KIF13B: variants seen among roughly 807,000 people sequenced by gnomAD.
KIF13B encodes kinesin-like protein KIF13B.
Under a neutral mutation model 222.0 loss-of-function variants are expected in KIF13B, and 127 were observed. That is an observed-to-expected ratio of 0.57 (90% CI 0.50 to 0.66). KIF13B has a LOEUF of 0.66. Among genes scored for constraint, KIF13B ranks in the 30% least tolerant of loss-of-function variants. The probability of loss-of-function intolerance (pLI) is 0.00; values close to 1 mark genes in which losing one functional copy is unlikely to be tolerated. For synonymous variants in KIF13B, 976 were observed against 919.0 expected (o/e 1.06, Z -1.12); for missense variants, 2,173 against 2,379.0 (o/e 0.91, Z 1.80).
intron 2 of KIF13B, among the ~76,000 whole-genome samples, chr8:29,205,723 C>T (rs187215424): frequency 1.4e-4 from 22 of 152,230 alleles, no homozygotes; most frequent in African/African-American, 4.6e-4. Context: ...AACCTAAAGC[C>T]TTTGTCTTCA....
chr8:29,127,039 A>G, intron 25 of KIF13B, 83 bp downstream of exon 25: 1 of 1,217,904 alleles, frequency 8.2e-7, no homozygotes, highest in Non-Finnish European at 1.2e-6. Context: ...AATGTTCATA[A>G]AAAGTAGTTT....
At chr8:29,259,671 C>T (rs1181899273) in intron 1 of KIF13B, among the ~76,000 whole-genome samples, 2 of 152,160 alleles carry the variant, frequency 1.3e-5, no homozygotes, top group Admixed American at 1.3e-4. Flanking sequence ...CTAATCCCAC[C>T]AATTACGGCT....
chr8:29,156,451 A>G (rs1035371467), intron 13 of KIF13B, among the ~76,000 whole-genome samples: 6 of 151,922 alleles, frequency 3.9e-5, no homozygotes, highest in African/African-American at 1.5e-4. Flanking sequence ...AGAGCTACAT[A>G]CTTTAGTTCC....
In KIF13B at chr8:29,158,297, TA is replaced by T. The variant is rs199873887; in HGVS notation, c.1404+2435del. ...ACAAAGGCCTGGCATATGTAGGCATTAAAAAAATATAAAAATAAATGCACAA... is the reference window on the plus strand; with the variant it reads ...ACAAAGGCCTGGCATATGTAGGCATTAAAAAATATAAAAATAAATGCACAA... On this transcript the variant is annotated intron_variant, in intron 13 of 39. Coordinates refer to ENST00000524189, the MANE Select transcript of KIF13B (RefSeq NM_015254.4). Among the ~76,000 whole-genome samples the T allele has an allele frequency of 4.9e-3, 739 of 152,210 alleles. 1 individual carries two copies. The highest frequency in any genetic ancestry group is 0.017 in the African/African-American group (698 of 41,520).
At chr8:29,212,292 T>C (rs1468918062) in intron 2 of KIF13B, among the ~76,000 whole-genome samples, 1 of 152,202 alleles carries the variant, frequency 6.6e-6, no homozygotes, top group East Asian at 1.9e-4. Flanking sequence ...CCAAAGTGTA[T>C]ATACCACTTT....
intron 2 of KIF13B, among the ~76,000 whole-genome samples, chr8:29,229,093 A>T (rs928124376): frequency 1.3e-5 from 2 of 150,776 alleles, no homozygotes; most frequent in African/African-American, 4.9e-5. Context: ...AGCTTTAAAA[A>T]AAAAAAAAAA....
intron 2 of KIF13B, among the ~76,000 whole-genome samples, chr8:29,204,316 C>T (rs1813832153): frequency 6.6e-6 from 1 of 152,178 alleles, no homozygotes; most frequent in Admixed American, 6.5e-5. Flanking sequence ...TCAAAGAATA[C>T]ACTCAGTATT....
At position 29,150,309 on chromosome 8, in the gene KIF13B, T is replaced by C. The variant is rs1409293375; in HGVS notation, c.1610A>G (p.Asn537Ser). 6.4e-7 allele frequency: 1 copy of C among 1,568,372 alleles called. No individual in the cohort carries two copies. Among genetic ancestry groups the C allele is most frequent in the Non-Finnish European group, 8.8e-7 (1 of 1,141,992 alleles). Residue 537 changes from asparagine to serine, a missense_variant, in exon 15 of 40, where the codon AAT becomes AGT. Transcript: ENST00000524189. Reference protein sequence around the residue: ...HHGDRILWGNNHFFRLNLPKK... With the variant: ...HHGDRILWGNSHFFRLNLPKK... ...AACAACATCATACCTGAAGAAATGA[T>C]TGTTTCCCCATAATATCCTGTCCCC...
At chr8:29,150,648 T>C (rs1586846678) in intron 14 of KIF13B, among the ~76,000 whole-genome samples, 1 of 152,214 alleles carries the variant, frequency 6.6e-6, no homozygotes, top group East Asian at 1.9e-4. Flanking sequence ...AACGCTATCC[T>C]ATGTTAAGCA....
chr8:29,132,294 C>A lies in KIF13B; in HGVS notation c.2942+14G>T. 1.4e-6 allele frequency: 2 copies of A among 1,436,956 alleles called. No homozygotes were observed. Among genetic ancestry groups the A allele is most frequent in the South Asian group, 1.6e-5 (1 of 61,732 alleles). 89.0% of individuals were successfully genotyped at this position (1,436,956 alleles called of 1,614,324 possible). ...ATATATATAAATGGAATCAGATGAACATCTAATATTCACCTGTCCCGAAGA... is the reference window on the plus strand; with the variant it reads ...ATATATATAAATGGAATCAGATGAAAATCTAATATTCACCTGTCCCGAAGA... On this transcript the variant is annotated intron_variant, in intron 23 of 39. Transcript: ENST00000524189.
chr8:29,155,763 C>T lies in KIF13B; in HGVS notation c.1498G>A (p.Glu500Lys), dbSNP rs561198851. The stretch of plus-strand genomic sequence containing the variant: ...TGAGGAGTCAGCATAACCTGGCCTT[C>T]TGACGTGATGTCTATAATACAGTGT... Reference protein sequence around the residue: ...PEHCIIDITSEGQVMLTPQKN... With the variant: ...PEHCIIDITSKGQVMLTPQKN... The change falls in exon 14 of 40, where the codon GAA becomes AAA. Residue 500 changes from glutamate to lysine, a missense_variant. Glu to Lys is a moderately conservative substitution (Grantham distance 56, BLOSUM62 1). Transcript: ENST00000524189. 1 of 1,604,520 alleles carries T rather than the reference C, an allele frequency of 6.2e-7. No homozygotes were observed. The highest frequency in any genetic ancestry group is 1.1e-5 in the South Asian group (1 of 89,072).
intron 8 of KIF13B, among the ~76,000 whole-genome samples, chr8:29,179,314 C>T (rs992743872): frequency 1.3e-5 from 2 of 152,106 alleles, no homozygotes; most frequent in South Asian, 2.1e-4. Context: ...AATGGAGTCT[C>T]ATTATGTTAC....
chr8:29,150,568 C>A (rs1166023072), intron 14 of KIF13B, among the ~76,000 whole-genome samples, 185 bp from the exon 15 acceptor site: 1 of 152,178 alleles, frequency 6.6e-6, no homozygotes, highest in Non-Finnish European at 1.5e-5. Context: ...GTTTATGGTA[C>A]AAAGCACAGG....
chr8:29,244,438 A>ACTTGT (rs1554624845), intron 2 of KIF13B, among the ~76,000 whole-genome samples: 5 of 151,442 alleles, frequency 3.3e-5, no homozygotes, highest in African/African-American at 1.2e-4. Flanking sequence ...AATGTCTTTC[A>ACTTGT]CCTCTCCACT....
chr8:29,094,590 G>A (rs1437480410), intron 36 of KIF13B, among the ~76,000 whole-genome samples: 2 of 152,184 alleles, frequency 1.3e-5, no homozygotes, highest in Admixed American at 6.5e-5. Context: ...CTGGAGTCAT[G>A]TCAATGTCCT....
chr8:29,070,822 G>A lies in KIF13B; in HGVS notation c.5219-56C>T. 6.5e-7 allele frequency: 1 copy of A among 1,549,942 alleles called. No homozygotes were observed. Among genetic ancestry groups the A allele is most frequent in the Non-Finnish European group, 8.7e-7 (1 of 1,144,712 alleles). Reference sequence around the variant, plus strand: ...GCAGCCGAGCTGCAGACGGCCCCCTGCACCTCCCTTACCTCTGCAGAGGCC... The same window carrying A: ...GCAGCCGAGCTGCAGACGGCCCCCTACACCTCCCTTACCTCTGCAGAGGCC... On this transcript the variant is annotated intron_variant, in intron 39 of 39. Coordinates refer to ENST00000524189, the MANE Select transcript of KIF13B (RefSeq NM_015254.4). The surrounding 1 kb of genome is among the most constrained non-coding windows in gnomAD (Gnocchi z 4.1).
rs546210071 is a variant in KIF13B at position 29,142,360 on chromosome 8, C to T, written c.2188-57G>A. The T allele has an allele frequency of 3.0e-4, 448 of 1,470,070 alleles. 6 individuals are homozygous for T. In the Middle Eastern group the frequency reaches 0.015, roughly 48 times the overall value. The allele number at this position is 1,470,070 out of a possible 1,614,324, so 91.1% of individuals were successfully genotyped here. ...CACACAGGCAGCGGGGAAGTCAAAG[C>T]TGACAATTCCACCCCCATCAGTCAA... On this transcript the variant is annotated intron_variant, in intron 18 of 39. Coordinates refer to ENST00000524189, the MANE Select transcript of KIF13B (RefSeq NM_015254.4).
chr8:29,082,590 G>A (rs1349697119), intron 37 of KIF13B, among the ~76,000 whole-genome samples: 1 of 151,920 alleles, frequency 6.6e-6, no homozygotes, highest in Non-Finnish European at 1.5e-5. Flanking sequence ...AGTGAGCTAT[G>A]ATCACATCAC....
intron 19 of KIF13B, among the ~76,000 whole-genome samples, chr8:29,141,706 C>G (rs1334808414): frequency 6.6e-6 from 1 of 152,166 alleles, no homozygotes; most frequent in African/African-American, 2.4e-5. Context: ...ATGATCAAAA[C>G]TTCTTCAAAA....
Sources: allele counts gnomAD v4.1 joint callset (sites outside exome capture counted in the v4.1 genomes callset), GRCh38; gene constraint gnomAD v4.1.1; non-coding constraint Gnocchi (gnomAD v3.1); transcripts MANE v1.5; gene names NCBI Gene and HGNC (gene_info 2026-07-23, HGNC 2026-07-21).